The following CACNA2D3 variants were observed in gnomAD, a reference collection of about 807,000 sequenced individuals.
CACNA2D3 encodes the protein voltage-dependent calcium channel subunit alpha-2/delta-3.
A neutral mutation model predicts 160.6 loss-of-function variants in CACNA2D3; 60 were observed. That is an observed-to-expected ratio of 0.37 (90% CI 0.30 to 0.46). The LOEUF is 0.46. Ranked by LOEUF, CACNA2D3 falls within the 20% of genes least tolerant of loss-of-function variation. The pLI, the probability that CACNA2D3 is intolerant of heterozygous loss-of-function variation, is 1.00. For missense variants in CACNA2D3, 1,205 were observed against 1,365.0 expected (o/e 0.88, Z 1.85); for synonymous variants, 558 against 492.9 (o/e 1.13, Z -1.75).
At chr3:54,997,500 G>A (rs936234479) in intron 31 of CACNA2D3, among the ~76,000 whole-genome samples, 24 of 151,944 alleles carry the variant, frequency 1.6e-4, no homozygotes, top group African/African-American at 5.6e-4. Flanking sequence ...TCAGGAGTTC[G>A]AGACCAGCTT....
chr3:54,333,460 T>C (rs980793200), intron 3 of CACNA2D3, among the ~76,000 whole-genome samples: 44 of 152,082 alleles, frequency 2.9e-4, no homozygotes, highest in African/African-American at 9.9e-4. Flanking sequence ...TTGATGTATA[T>C]GCACCTGCCC....
At position 54,625,386 on chromosome 3, in the gene CACNA2D3, G is replaced by A. The variant is rs1200251534; in HGVS notation, c.964-2401G>A. On this transcript the variant is annotated intron_variant, in intron 9 of 37. Coordinates refer to ENST00000474759, the MANE Select transcript of CACNA2D3 (RefSeq NM_018398.3). Reference sequence around the variant, plus strand: ...TGTAGCTGACCTGGATTGAAACCTGGGCCAGGCAACTAGGTGGTGTGTGTA... The same window carrying A: ...TGTAGCTGACCTGGATTGAAACCTGAGCCAGGCAACTAGGTGGTGTGTGTA... 2.6e-5 allele frequency among the ~76,000 whole-genome samples: 4 copies of A among 152,334 alleles called. 1 individual carries two copies. Among genetic ancestry groups the A allele is most frequent in the South Asian group, 4.1e-4 (2 of 4,828 alleles).
intron 5 of CACNA2D3, among the ~76,000 whole-genome samples, chr3:54,545,957 C>T (rs1387179665): frequency 6.6e-6 from 1 of 152,194 alleles, no homozygotes; most frequent in African/African-American, 2.4e-5. Flanking sequence ...TGGCATGCTC[C>T]ATCACCCTCC....
chr3:54,204,796 GAAAAAAAAAAAA>G (rs57129457), intron 2 of CACNA2D3, among the ~76,000 whole-genome samples: 6 of 74,058 alleles, frequency 8.1e-5, no homozygotes, highest in Admixed American at 3.7e-4. Context: ...ATGCTGTCTT[GAAAAAAAAAAAA>G]AAAAAAAAAA....
intron 2 of CACNA2D3, among the ~76,000 whole-genome samples, chr3:54,245,406 A>G (rs917265768): frequency 1.3e-5 from 2 of 152,074 alleles, no homozygotes; most frequent in African/African-American, 2.4e-5. Context: ...ACCCATCAAA[A>G]GGTGGCTTTT....
chr3:54,130,124 A>G (rs1448939276), intron 2 of CACNA2D3, among the ~76,000 whole-genome samples: 1 of 152,174 alleles, frequency 6.6e-6, no homozygotes, highest in Non-Finnish European at 1.5e-5. Context: ...AAAAATTATT[A>G]AGAATTCCAG....
chr3:54,949,233 T>G (rs1701694615), intron 27 of CACNA2D3, among the ~76,000 whole-genome samples: 1 of 152,166 alleles, frequency 6.6e-6, no homozygotes, highest in Non-Finnish European at 1.5e-5. Context: ...GATGCATCCC[T>G]ATGCCTAGCA....
At chr3:54,869,087 T>C (rs1267282724) in intron 17 of CACNA2D3, among the ~76,000 whole-genome samples, 1 of 152,208 alleles carries the variant, frequency 6.6e-6, no homozygotes, top group East Asian at 1.9e-4. Context: ...GCAGAGCCAC[T>C]GTGACCTTCT....
intron 28 of CACNA2D3, among the ~76,000 whole-genome samples, chr3:54,969,262 C>CT (rs66688757): frequency 0.39 from 51,959 of 134,526 alleles, 12,352 homozygotes; most frequent in Admixed American, 0.54. Flanking sequence ...ATAAAGTAGA[C>CT]TTTTTTTTTT....
chr3:54,510,013 C>T (rs905832529), intron 5 of CACNA2D3, among the ~76,000 whole-genome samples: 14 of 152,144 alleles, frequency 9.2e-5, no homozygotes, highest in African/African-American at 3.1e-4. Context: ...TTTGTGGCTC[C>T]TCAGTCCTAT....
rs548335980 is a variant in CACNA2D3 at position 54,245,472 on chromosome 3, G to T, written c.205-74970G>T. 4.6e-5 allele frequency among the ~76,000 whole-genome samples: 7 copies of T among 152,204 alleles called. No homozygotes were observed. The East Asian group carries it at 1.4e-3, about 30-fold the overall frequency. ...TGGTGGCTCATGTTCAAGGGTTGAG[G>T]CTTTTGACCTAAGGCCAGGCCTGCT... On this transcript the variant is annotated intron_variant, in intron 2 of 37. Coordinates refer to ENST00000474759, the MANE Select transcript of CACNA2D3 (RefSeq NM_018398.3).
intron 27 of CACNA2D3, among the ~76,000 whole-genome samples, chr3:54,914,509 T>C (rs531432330): frequency 6.6e-6 from 1 of 152,282 alleles, no homozygotes; most frequent in African/African-American, 2.4e-5. Context: ...TCCACCCAAA[T>C]GAATATTCAG....
At chr3:54,151,204 T>C (rs992653554) in intron 2 of CACNA2D3, among the ~76,000 whole-genome samples, 1 of 151,484 alleles carries the variant, frequency 6.6e-6, no homozygotes, top group African/African-American at 2.4e-5. Flanking sequence ...GGTTGGTGGA[T>C]AAGTAGATTA....
At chr3:54,307,459 G>A (rs1703638351) in intron 2 of CACNA2D3, among the ~76,000 whole-genome samples, 1 of 152,242 alleles carries the variant, frequency 6.6e-6, no homozygotes, top group Middle Eastern at 3.4e-3. Flanking sequence ...GATGCTGTGG[G>A]TCATTTTTCT....
intron 35 of CACNA2D3, among the ~76,000 whole-genome samples, chr3:55,021,040 C>A (rs1703435395): frequency 6.6e-6 from 1 of 152,018 alleles, no homozygotes; most frequent in Admixed American, 6.6e-5. Flanking sequence ...TCTGTAATAT[C>A]TGTAGCATTT....
intron 8 of CACNA2D3, among the ~76,000 whole-genome samples, chr3:54,579,564 G>A (rs1702641072): frequency 6.6e-6 from 1 of 152,210 alleles, no homozygotes; most frequent in African/African-American, 2.4e-5. Flanking sequence ...CCTATGAAAG[G>A]TCGTGTCCAA....
At chr3:54,165,642 G>A (rs1489992174) in intron 2 of CACNA2D3, among the ~76,000 whole-genome samples, 2 of 151,702 alleles carry the variant, frequency 1.3e-5, no homozygotes, top group Non-Finnish European at 2.9e-5. Context: ...AGGTGTGGTG[G>A]TGCACACCTG....
At chr3:54,371,975 G>A (rs1698932756) in intron 3 of CACNA2D3, among the ~76,000 whole-genome samples, 1 of 152,160 alleles carries the variant, frequency 6.6e-6, no homozygotes, top group Non-Finnish European at 1.5e-5. Flanking sequence ...ATTATGGGGT[G>A]CTGGCCCAGA....
At chr3:54,898,372 G>A (rs543699176) in intron 26 of CACNA2D3, among the ~76,000 whole-genome samples, 31 of 151,514 alleles carry the variant, frequency 2.0e-4, no homozygotes, top group Non-Finnish European at 3.8e-4. Context: ...ACAGGCACCC[G>A]CCACCATACC....
Sources: gnomAD v4.1 joint callset for allele counts (sites outside exome capture counted in the v4.1 genomes callset) on GRCh38, gnomAD v4.1.1 for gene constraint, MANE v1.5 for transcripts, NCBI Gene and HGNC (gene_info 2026-07-23, HGNC 2026-07-21) for gene names.